ZNF407: variants seen among roughly 807,000 people sequenced by gnomAD.
ZNF407 encodes zinc finger protein 407.
In ZNF407, 17 loss-of-function variants were observed where a neutral mutation model predicts 131.2. That is an observed-to-expected ratio of 0.13 (90% CI 0.09 to 0.19). The LOEUF (loss-of-function observed/expected upper bound fraction) is 0.19. Ranked by LOEUF, ZNF407 falls within the 10% of genes least tolerant of loss-of-function variation. The pLI is 1.00. For synonymous variants in ZNF407, 1,156 were observed against 1,062.0 expected, an observed-to-expected ratio of 1.09 and a Z score of -1.72; for missense variants, 2,681 against 2,830.6, an observed-to-expected ratio of 0.95 and a Z score of 1.20.
At chr18:74,786,056 G>C (rs1313918616) in intron 4 of ZNF407, among the ~76,000 whole-genome samples, 1 of 152,190 alleles carries the variant, frequency 6.6e-6, no homozygotes, top group Admixed American at 6.5e-5. Context: ...AATTATTGGG[G>C]AACAGATTAA....
At chr18:74,875,705 C>G (rs1233046364) in intron 4 of ZNF407, among the ~76,000 whole-genome samples, 10 of 152,026 alleles carry the variant, frequency 6.6e-5, no homozygotes, top group African/African-American at 2.2e-4. Context: ...TTGTCATTCT[C>G]TAGTACTAGT....
At chr18:74,911,142 C>A (rs776739246) in intron 7 of ZNF407, among the ~76,000 whole-genome samples, 2 of 152,184 alleles carry the variant, frequency 1.3e-5, no homozygotes, top group Admixed American at 1.3e-4. Context: ...TAGCTTTTCT[C>A]AATCTGCGGC....
intron 4 of ZNF407, among the ~76,000 whole-genome samples, chr18:74,852,921 C>T (rs1483478540): frequency 6.6e-6 from 1 of 152,144 alleles, no homozygotes; most frequent in African/African-American, 2.4e-5. Flanking sequence ...TATACAATTT[C>T]TGTTTGCTGT....
intron 4 of ZNF407, among the ~76,000 whole-genome samples, chr18:74,841,653 TA>T (rs1279705790): frequency 6.6e-6 from 1 of 152,256 alleles, no homozygotes. Context: ...ATGTTAATTG[TA>T]GAATCATTTC....
At chr18:74,764,263 A>T (rs1298798566) in intron 3 of ZNF407, among the ~76,000 whole-genome samples, 1 of 152,018 alleles carries the variant, frequency 6.6e-6, no homozygotes, top group Non-Finnish European at 1.5e-5. Context: ...ATTTGTTTTC[A>T]TTTTTAAAAA....
chr18:74,957,119 C>A lies in ZNF407; in HGVS notation c.5428+36427C>A, dbSNP rs111716873. ...TGATAGCCTGGGCCATAACCTGCAGCTTTAGGCCCCACCCAGTGGCCTAGG... is the reference window on the plus strand; with the variant it reads ...TGATAGCCTGGGCCATAACCTGCAGATTTAGGCCCCACCCAGTGGCCTAGG... On this transcript the variant is annotated intron_variant, in intron 8 of 8. Transcript: ENST00000299687. Among the ~76,000 whole-genome samples, 288 of 152,258 alleles carry A rather than the reference C, an allele frequency of 1.9e-3. 2 individuals carry two copies. The highest frequency in any genetic ancestry group is 6.6e-3 in the African/African-American group (274 of 41,536).
chr18:74,702,663 TATCA>T (rs1967526752), intron 3 of ZNF407, among the ~76,000 whole-genome samples: 2 of 152,160 alleles, frequency 1.3e-5, no homozygotes, highest in African/African-American at 4.8e-5. Context: ...TTAAATGGTT[TATCA>T]ATCAGAAGCA....
intron 7 of ZNF407, among the ~76,000 whole-genome samples, chr18:74,890,805 T>A (rs1407614584): frequency 6.6e-6 from 1 of 152,084 alleles, no homozygotes; most frequent in Non-Finnish European, 1.5e-5. Flanking sequence ...CCAGGTGAAG[T>A]CCTCACAGAG....
chr18:74,833,728 G>C (rs7238926), intron 4 of ZNF407, among the ~76,000 whole-genome samples: 1 of 152,158 alleles, frequency 6.6e-6, no homozygotes, highest in African/African-American at 2.4e-5. Flanking sequence ...CTTGTTTATC[G>C]TTTGAAAGTT....
At chr18:74,616,971 C>T (rs1983326595) in intron 1 of ZNF407, among the ~76,000 whole-genome samples, 1 of 101,688 alleles carries the variant, frequency 9.8e-6, no homozygotes. Flanking sequence ...ATCCACGCAC[C>T]ACACACATCC....
At chr18:74,941,808 C>T (rs995063824) in intron 8 of ZNF407, among the ~76,000 whole-genome samples, 4 of 152,128 alleles carry the variant, frequency 2.6e-5, no homozygotes, top group African/African-American at 7.2e-5. Flanking sequence ...TTCGCAACAA[C>T]GGTGATGATG....
intron 4 of ZNF407, among the ~76,000 whole-genome samples, chr18:74,801,888 G>A (rs776160894): frequency 3.3e-5 from 5 of 152,112 alleles, no homozygotes; most frequent in Non-Finnish European, 7.4e-5. Flanking sequence ...CAAGTACATA[G>A]TTCCTTCAAA....
intron 8 of ZNF407, among the ~76,000 whole-genome samples, chr18:74,976,264 G>A (rs1436174587): frequency 1.3e-5 from 2 of 152,312 alleles, no homozygotes; most frequent in Middle Eastern, 3.4e-3. Flanking sequence ...AGTAGTTTAC[G>A]TGTTCTGTCA....
At chr18:74,771,903 A>AT (rs1248568634) in intron 3 of ZNF407, among the ~76,000 whole-genome samples, 1 of 152,186 alleles carries the variant, frequency 6.6e-6, no homozygotes, top group African/African-American at 2.4e-5. Context: ...TAGATTTGTC[A>AT]TTCATTAGCT....
intron 7 of ZNF407, chr18:74,898,386 G>A (rs973924275): frequency 1.3e-5 from 2 of 151,860 alleles, no homozygotes; most frequent in Non-Finnish European, 2.9e-5. Context: ...ACATTTATTA[G>A]AAGTTCTAGA....
intron 3 of ZNF407, among the ~76,000 whole-genome samples, chr18:74,743,340 G>A (rs1327540695): frequency 2.0e-5 from 3 of 151,972 alleles, no homozygotes; most frequent in African/African-American, 7.2e-5. Flanking sequence ...TGGTTGGTCA[G>A]GATTTATCTT....
chr18:74,758,281 A>C (rs1477870441), intron 3 of ZNF407, among the ~76,000 whole-genome samples: 2 of 151,620 alleles, frequency 1.3e-5, no homozygotes, highest in African/African-American at 4.8e-5. Flanking sequence ...TTACTTCCTT[A>C]TTCAGTTCAT....
At chr18:74,790,582 G>A (rs545620964) in intron 4 of ZNF407, among the ~76,000 whole-genome samples, 11 of 152,152 alleles carry the variant, frequency 7.2e-5, no homozygotes, top group African/African-American at 2.4e-4. Flanking sequence ...TAGAACACTG[G>A]GGCTTATACA....
intron 8 of ZNF407, among the ~76,000 whole-genome samples, chr18:75,057,731 T>C (rs1175496904): frequency 6.6e-6 from 1 of 152,182 alleles, no homozygotes; most frequent in East Asian, 1.9e-4. Flanking sequence ...AGATTGTGTG[T>C]AGAGCACAGA....
Sources: gnomAD v4.1 joint callset for allele counts (sites outside exome capture counted in the v4.1 genomes callset) on GRCh38, gnomAD v4.1.1 for gene constraint, MANE v1.5 for transcripts, NCBI Gene and HGNC (gene_info 2026-07-23, HGNC 2026-07-21) for gene names.